Variants in MARK3 observed in about 807,000 individuals in gnomAD.
MARK3 encodes MAP/microtubule affinity-regulating kinase 3.
In MARK3, 46 loss-of-function variants were observed where a neutral mutation model predicts 90.1. The ratio of observed to expected loss-of-function variants is 0.51; its 90% CI spans 0.40 to 0.65. The LOEUF is 0.65. Among genes scored for constraint, MARK3 ranks in the 30% least tolerant of loss-of-function variants. MARK3 has a pLI of 0.00. For missense variants in MARK3, 818 were observed against 947.2 expected (o/e 0.86, Z 1.79); for synonymous variants, 321 against 332.6 (o/e 0.97, Z 0.38).
At chr14:103,406,041 C>T (rs2091273422) in intron 2 of MARK3, among the ~76,000 whole-genome samples, 1 of 152,114 alleles carries the variant, frequency 6.6e-6, no homozygotes, top group Non-Finnish European at 1.5e-5. Flanking sequence ...CAGGCATGCA[C>T]TGCCACACCC....
At chr14:103,502,632 A>C (rs2075732912) in intron 17 of MARK3, among the ~76,000 whole-genome samples, 3 of 152,212 alleles carry the variant, frequency 2.0e-5, no homozygotes, top group African/African-American at 7.2e-5. Flanking sequence ...CGTTCATTTT[A>C]GTAAGCACAG....
At position 103,391,823 on chromosome 14, in the gene MARK3, G is replaced by T. The variant is rs1169592051; in HGVS notation, c.51+5743G>T. Among the ~76,000 whole-genome samples the T allele has an allele frequency of 3.3e-5, 5 of 150,300 alleles. No homozygotes were observed. In the East Asian group the frequency reaches 9.8e-4, roughly 29 times the overall value. Reference sequence around the variant, plus strand: ...TCCGCCCGCCTTGGCCTCCCAAAGTGCTGGGATTACAGGCGTGAGCCACTG... The same window carrying T: ...TCCGCCCGCCTTGGCCTCCCAAAGTTCTGGGATTACAGGCGTGAGCCACTG... On this transcript the variant is annotated intron_variant, in intron 1 of 17. Transcript: ENST00000429436.
At chr14:103,467,336 T>C (rs1163210426) in intron 11 of MARK3, 145 bp downstream of exon 11, 2 of 508,362 alleles carry the variant, frequency 3.9e-6, no homozygotes, top group Non-Finnish European at 7.0e-6. Context: ...ATCTAAATCC[T>C]ATGACTATTA....
intron 3 of MARK3, among the ~76,000 whole-genome samples, chr14:103,447,341 A>G (rs1377893784): frequency 6.6e-6 from 1 of 152,214 alleles, no homozygotes; most frequent in Non-Finnish European, 1.5e-5. Context: ...GTCCATGTCC[A>G]TCTCCTCTTA....
intron 2 of MARK3, among the ~76,000 whole-genome samples, chr14:103,417,913 A>G: frequency 6.6e-6 from 1 of 151,966 alleles, no homozygotes; most frequent in East Asian, 1.9e-4. Context: ...CTAAAAATCC[A>G]AAAAAATTAG....
intron 17 of MARK3, among the ~76,000 whole-genome samples, 162 bp from the exon 18 acceptor site, chr14:103,502,720 T>C (rs759316339): frequency 5.3e-5 from 8 of 152,130 alleles, no homozygotes; most frequent in East Asian, 1.9e-4. Context: ...GGGAAGAAAA[T>C]AGACGAAAAT....
At chr14:103,435,687 C>T (rs1040632628) in intron 3 of MARK3, among the ~76,000 whole-genome samples, 2 of 151,972 alleles carry the variant, frequency 1.3e-5, no homozygotes, top group African/African-American at 2.4e-5. Flanking sequence ...GGATTACAGG[C>T]GTGAGCCACC....
At chr14:103,407,463 C>T (rs915987309) in intron 2 of MARK3, among the ~76,000 whole-genome samples, 3 of 151,700 alleles carry the variant, frequency 2.0e-5, no homozygotes, top group African/African-American at 2.4e-5. Context: ...TGCTCAGCCC[C>T]GTTCCTATTA....
chr14:103,404,394 C>CAGT (rs1438612433), intron 1 of MARK3, among the ~76,000 whole-genome samples: 1 of 152,120 alleles, frequency 6.6e-6, no homozygotes, highest in Non-Finnish European at 1.5e-5. Flanking sequence ...GCCAAGGGAG[C>CAGT]AGTAGTAGCA....
intron 4 of MARK3, among the ~76,000 whole-genome samples, chr14:103,450,918 A>ATTTTTT: frequency 3.4e-5 from 1 of 29,728 alleles, no homozygotes; most frequent in Non-Finnish European, 6.8e-5. Flanking sequence ...GTGTGTGTGT[A>ATTTTTT]TTCTTTTTTT....
Position 103,503,245 on chromosome 14 carries a change from A to T in MARK3, c.*18A>T. 6.3e-7 allele frequency: 1 copy of T among 1,575,498 alleles called. No homozygotes were observed. Among genetic ancestry groups the T allele is most frequent in the Non-Finnish European group, 8.7e-7 (1 of 1,152,384 alleles). On this transcript the variant is annotated 3_prime_UTR_variant, in exon 18 of 18. Coordinates refer to ENST00000429436, the MANE Select transcript of MARK3 (RefSeq NM_001128918.3). ...AGCTGTAACCCAGTGATTATGATGT[A>T]AATTAAGTAGCAATTAAAGTGTTTT... is the stretch of plus-strand genomic sequence containing the variant.
chr14:103,497,260 C>A (rs937248763), intron 15 of MARK3, among the ~76,000 whole-genome samples: 1 of 152,080 alleles, frequency 6.6e-6, no homozygotes, highest in South Asian at 2.1e-4. Flanking sequence ...AGTAGTTAGA[C>A]TTTTTTTAAA....
intron 2 of MARK3, among the ~76,000 whole-genome samples, chr14:103,427,487 GAGACTGTTTCAAAAAAAAAAAAAAA>G (rs1344977821): frequency 1.6e-5 from 1 of 62,106 alleles, no homozygotes; most frequent in East Asian, 6.0e-4. Context: ...GCAACAGAGG[GAGACTGTTTCAAAAAAAAAAAAAAA>G]AGAAACAAAA....
At chr14:103,466,290 G>A (rs2093500811) in intron 9 of MARK3, 53 bp from the exon 10 acceptor site, 11 of 1,379,072 alleles carry the variant, frequency 8.0e-6, no homozygotes, top group Admixed American at 4.1e-5. Flanking sequence ...TAAATATTAC[G>A]GTTATCAGAA....
intron 4 of MARK3, among the ~76,000 whole-genome samples, chr14:103,450,284 T>C (rs2093101775): frequency 6.6e-6 from 1 of 152,160 alleles, no homozygotes; most frequent in African/African-American, 2.4e-5. Flanking sequence ...TTCATTTCAA[T>C]CCTTTGGGGC....
intron 14 of MARK3, among the ~76,000 whole-genome samples, chr14:103,485,745 C>T (rs990792210): frequency 6.6e-6 from 1 of 152,092 alleles, no homozygotes; most frequent in African/African-American, 2.4e-5. Flanking sequence ...AAAAGATAGT[C>T]AAGACTGGGC....
At chr14:103,485,252 C>CT (rs36010258) in intron 14 of MARK3, among the ~76,000 whole-genome samples, 11,622 of 83,546 alleles carry the variant, frequency 0.14, 1,116 homozygotes, top group African/African-American at 0.2. Flanking sequence ...AAAAAGGCTG[C>CT]TTTTTTTTTT....
intron 3 of MARK3, among the ~76,000 whole-genome samples, chr14:103,445,732 G>A (rs1275393197): frequency 6.6e-6 from 1 of 152,178 alleles, no homozygotes; most frequent in African/African-American, 2.4e-5. Context: ...TTGAATTCCT[G>A]TAATAGTCCA....
intron 1 of MARK3, among the ~76,000 whole-genome samples, chr14:103,400,977 GTGTGTA>G (rs1236315417): frequency 2.9e-4 from 42 of 146,656 alleles, no homozygotes; most frequent in East Asian, 2.1e-3. Context: ...GTGTGTGTGT[GTGTGTA>G]TGCAGGTTGT....
Sources: gnomAD v4.1 joint callset for allele counts (sites outside exome capture counted in the v4.1 genomes callset) on GRCh38, gnomAD v4.1.1 for gene constraint, MANE v1.5 for transcripts, NCBI Gene and HGNC (gene_info 2026-07-23, HGNC 2026-07-21) for gene names.